ALK: variants seen among roughly 807,000 people sequenced by gnomAD.
ALK encodes ALK tyrosine kinase receptor.
ALK carries 74 observed loss-of-function variants against 163.1 expected under a neutral mutation model. The observed-to-expected ratio is 0.45, with a 90% CI of 0.38 to 0.55. The LOEUF (loss-of-function observed/expected upper bound fraction) is 0.55, where lower values mean the gene tolerates loss of function less well. Ranked by LOEUF, ALK falls within the 20% of genes least tolerant of loss-of-function variation. The probability of loss-of-function intolerance (pLI) is 0.00; values close to 1 mark genes in which losing one functional copy is unlikely to be tolerated. For synonymous variants in ALK, 960 were observed against 843.2 expected (o/e 1.14, Z -2.40); for missense variants, 2,063 against 2,105.3 (o/e 0.98, Z 0.39).
intron 3 of ALK, among the ~76,000 whole-genome samples, chr2:29,591,763 T>C (rs939081782): frequency 6.6e-6 from 1 of 150,930 alleles, no homozygotes; most frequent in Non-Finnish European, 1.5e-5. Context: ...ATAATCAACG[T>C]ATGAAGTCCT....
At chr2:29,386,757 T>A (rs1558302264) in intron 4 of ALK, among the ~76,000 whole-genome samples, 1 of 152,224 alleles carries the variant, frequency 6.6e-6, no homozygotes, top group Admixed American at 6.5e-5. Context: ...TGCTGCAACT[T>A]TAATAACTTT....
chr2:29,778,033 G>A (rs930416327), intron 1 of ALK, among the ~76,000 whole-genome samples: 2 of 152,224 alleles, frequency 1.3e-5, no homozygotes. Context: ...GCTCCAGGTA[G>A]GGAATTATTG....
chr2:29,792,231 CAA>C lies in ALK; in HGVS notation c.668-74536_668-74535del, dbSNP rs568771562. On this transcript the variant is annotated intron_variant, in intron 1 of 28. Transcript: ENST00000389048. ...ATTCTTAAAATGTGTGGTGCTAACA[CAA>C]AAACAGATGGAACAGTGGAACAGTT... 1.8e-3 allele frequency among the ~76,000 whole-genome samples: 275 copies of C among 152,120 alleles called. 5 individuals are homozygous for C. The highest frequency in any genetic ancestry group is 6.5e-3 in the African/African-American group (268 of 41,466).
At chr2:29,320,309 A>G (rs920107589) in intron 7 of ALK, among the ~76,000 whole-genome samples, 2 of 152,152 alleles carry the variant, frequency 1.3e-5, no homozygotes, top group African/African-American at 4.8e-5. Context: ...GGAATGGACC[A>G]TGGACCGGGT....
intron 3 of ALK, among the ~76,000 whole-genome samples, chr2:29,599,803 T>C (rs186008757): frequency 6.6e-6 from 1 of 152,190 alleles, no homozygotes; most frequent in Admixed American, 6.5e-5. Flanking sequence ...CCTTAAACCC[T>C]AAAACATGAA....
At chr2:29,882,376 T>C (rs1382174625) in intron 1 of ALK, among the ~76,000 whole-genome samples, 4 of 152,168 alleles carry the variant, frequency 2.6e-5, no homozygotes, top group Non-Finnish European at 5.9e-5. Context: ...GTGAGTTAAA[T>C]TGAAACTTAA....
intron 4 of ALK, among the ~76,000 whole-genome samples, chr2:29,460,147 C>G (rs1032518945): frequency 2.6e-4 from 39 of 152,136 alleles, no homozygotes; most frequent in African/African-American, 9.4e-4. Context: ...GGGCTGAGCT[C>G]CTGATCTCAC....
rs367992121 is a variant in ALK, at chr2:29,391,618, T to C, written c.1155-7759A>G. ...CACCGCACCGGCCTCCTAGCTTCTT[T>C]TGAGCTTCTTCTAACTTCCCCTTTT... On this transcript the variant is annotated intron_variant, in intron 4 of 28. Coordinates refer to ENST00000389048, the MANE Select transcript of ALK (RefSeq NM_004304.5). 2.6e-5 allele frequency among the ~76,000 whole-genome samples: 4 copies of C among 152,166 alleles called. No individual in the cohort carries two copies. The South Asian group carries it at 8.3e-4, about 32-fold the overall frequency.
intron 4 of ALK, among the ~76,000 whole-genome samples, chr2:29,414,550 A>G (rs919804060): frequency 3.3e-5 from 5 of 152,212 alleles, no homozygotes; most frequent in Non-Finnish European, 5.9e-5. Context: ...TGGAAATAAG[A>G]AAGAAAATAA....
intron 1 of ALK, among the ~76,000 whole-genome samples, chr2:29,752,541 G>A (rs1483981798): frequency 1.3e-5 from 2 of 151,450 alleles, no homozygotes; most frequent in Non-Finnish European, 2.9e-5. Context: ...GTAGAGACGG[G>A]GTTTCACCGT....
chr2:29,916,070 C>T (rs956898772), intron 1 of ALK, among the ~76,000 whole-genome samples: 2 of 152,190 alleles, frequency 1.3e-5, no homozygotes, highest in Admixed American at 6.5e-5. Context: ...ATTCTGCATC[C>T]CAGCTCTCTG....
chr2:29,801,653 C>T (rs780911573), intron 1 of ALK, among the ~76,000 whole-genome samples: 1 of 152,184 alleles, frequency 6.6e-6, no homozygotes, highest in Non-Finnish European at 1.5e-5. Flanking sequence ...TTCCTTCCTG[C>T]CTCCCTGCCT....
At chr2:29,531,166 A>G (rs146349835) in intron 4 of ALK, among the ~76,000 whole-genome samples, 8 of 152,306 alleles carry the variant, frequency 5.3e-5, no homozygotes, top group African/African-American at 1.7e-4. Flanking sequence ...TCTCCTGTAA[A>G]CAAGTCACAA....
chr2:29,769,486 T>G (rs1389472824), intron 1 of ALK, among the ~76,000 whole-genome samples: 2 of 152,084 alleles, frequency 1.3e-5, no homozygotes, highest in Non-Finnish European at 2.9e-5. Flanking sequence ...AGCACCCACC[T>G]ATAAGCTCCT....
At chr2:29,518,930 T>G (rs976285943) in intron 4 of ALK, among the ~76,000 whole-genome samples, 3 of 152,342 alleles carry the variant, frequency 2.0e-5, no homozygotes, top group Middle Eastern at 6.8e-3. Context: ...TACTACTTCA[T>G]AGGGAAACTG....
chr2:29,583,035 G>GTTTTTTTTTTTTTTTTTTTTT (rs10637189), intron 3 of ALK, among the ~76,000 whole-genome samples: 1 of 108,032 alleles, frequency 9.3e-6, no homozygotes, highest in African/African-American at 3.3e-5. Context: ...GCTAACTTTT[G>GTTTTTTTTTTTTTTTTTTTTT]TTTTTTGTTT....
At chr2:29,701,883 T>C (rs1451037677) in intron 2 of ALK, among the ~76,000 whole-genome samples, 4 of 152,134 alleles carry the variant, frequency 2.6e-5, no homozygotes, top group Non-Finnish European at 4.4e-5. Flanking sequence ...ATGTGGTCTT[T>C]TACTGATGTG....
chr2:29,808,312 G>T (rs762579532), intron 1 of ALK, among the ~76,000 whole-genome samples: 43 of 152,240 alleles, frequency 2.8e-4, no homozygotes, highest in Admixed American at 8.5e-4. Flanking sequence ...CTCCTATGAA[G>T]GTGGAGAGAA....
At chr2:29,213,904 A>G in intron 24 of ALK, 80 bp downstream of exon 24, 1 of 1,212,634 alleles carries the variant, frequency 8.2e-7, no homozygotes, top group Non-Finnish European at 1.2e-6. Context: ...TGAAGGGGGA[A>G]ATGTGAGCCC....
Sources: gnomAD v4.1 joint callset for allele counts (sites outside exome capture counted in the v4.1 genomes callset) on GRCh38, gnomAD v4.1.1 for gene constraint, MANE v1.5 for transcripts, NCBI Gene and HGNC (gene_info 2026-07-23, HGNC 2026-07-21) for gene names.